Variants in PHACTR1 observed in about 807,000 individuals in gnomAD.
The protein encoded by PHACTR1 is phosphatase and actin regulator 1.
In PHACTR1, 16 loss-of-function variants were observed where a neutral mutation model predicts 69.2. That is an observed-to-expected ratio of 0.23 (90% CI 0.16 to 0.35). The LOEUF (loss-of-function observed/expected upper bound fraction) is 0.35, where lower values mean the gene tolerates loss of function less well. PHACTR1 is among the 10% of genes least tolerant of loss of function. PHACTR1 has a pLI of 1.00. For synonymous variants in PHACTR1, 312 were observed against 284.5 expected (o/e 1.10, Z -0.97); for missense variants, 510 against 734.7 (o/e 0.69, Z 3.54).
At position 12,786,646 on chromosome 6, in the gene PHACTR1, G is replaced by T. The variant is rs1193906248; in HGVS notation, c.250+36856G>T. ...AGAAGCTAGAGACCTGGAAATTGTT[G>T]TTCTAAAGTTGAGTTCAAAATGACA... On this transcript the variant is annotated intron_variant, in intron 4 of 14. Coordinates refer to ENST00000332995, the MANE Select transcript of PHACTR1 (RefSeq NM_030948.6). Among the ~76,000 whole-genome samples, 3 of 152,292 alleles carry T rather than the reference G, an allele frequency of 2.0e-5. 1 individual carries two copies. The East Asian group carries it at 5.8e-4, about 29-fold the overall frequency.
chr6:13,072,732 T>G (rs950996356), intron 5 of PHACTR1, among the ~76,000 whole-genome samples: 2 of 152,290 alleles, frequency 1.3e-5, no homozygotes, highest in Non-Finnish European at 2.9e-5. Flanking sequence ...ATTTGTACTT[T>G]TTTTCTTTGG....
At chr6:13,010,309 G>T (rs1432663023) in intron 4 of PHACTR1, among the ~76,000 whole-genome samples, 1 of 151,990 alleles carries the variant, frequency 6.6e-6, no homozygotes, top group Non-Finnish European at 1.5e-5. Flanking sequence ...TGTGTTTTTA[G>T]TAGACACAGG....
At chr6:13,090,902 A>C (rs967098458) in intron 5 of PHACTR1, among the ~76,000 whole-genome samples, 2 of 152,090 alleles carry the variant, frequency 1.3e-5, no homozygotes, top group Non-Finnish European at 2.9e-5. Flanking sequence ...TTTATTGTAC[A>C]CTTTATTTCT....
intron 3 of PHACTR1, among the ~76,000 whole-genome samples, chr6:12,733,770 C>T (rs1416982938): frequency 1.3e-5 from 2 of 152,152 alleles, no homozygotes; most frequent in African/African-American, 4.8e-5. Context: ...CTTGTGTGTA[C>T]ACTGAATATG....
intron 5 of PHACTR1, among the ~76,000 whole-genome samples, chr6:13,117,988 C>A (rs1337029181): frequency 1.3e-5 from 2 of 152,214 alleles, no homozygotes; most frequent in Admixed American, 1.3e-4. Context: ...CACACAGAAT[C>A]TCATATTACT....
At chr6:12,792,341 G>C (rs1772400452) in intron 4 of PHACTR1, among the ~76,000 whole-genome samples, 1 of 151,730 alleles carries the variant, frequency 6.6e-6, no homozygotes. Flanking sequence ...GTACATGCCT[G>C]TAATCCCAGC....
chr6:12,789,397 A>T (rs1470578760), intron 4 of PHACTR1, among the ~76,000 whole-genome samples: 1 of 151,978 alleles, frequency 6.6e-6, no homozygotes, highest in African/African-American at 2.4e-5. Flanking sequence ...TTTTTTTTTA[A>T]CATTGGAGTA....
At chr6:12,819,741 G>A (rs1441343463) in intron 4 of PHACTR1, among the ~76,000 whole-genome samples, 6 of 152,130 alleles carry the variant, frequency 3.9e-5, no homozygotes, top group Non-Finnish European at 2.9e-5. Flanking sequence ...ATCATTCAAA[G>A]CAGTGAGGGA....
At chr6:12,899,787 T>G (rs1785010716) in intron 4 of PHACTR1, among the ~76,000 whole-genome samples, 1 of 152,230 alleles carries the variant, frequency 6.6e-6, no homozygotes, top group Non-Finnish European at 1.5e-5. Context: ...ACATTACGAT[T>G]GATCAAGAAA....
chr6:13,011,513 A>G (rs1799445710), intron 4 of PHACTR1, among the ~76,000 whole-genome samples: 1 of 152,214 alleles, frequency 6.6e-6, no homozygotes, highest in South Asian at 2.1e-4. Flanking sequence ...ATTTGAGGCT[A>G]AGCTGGTGGC....
intron 5 of PHACTR1, among the ~76,000 whole-genome samples, chr6:13,077,187 A>G (rs72820879): frequency 4.7e-5 from 7 of 147,816 alleles, no homozygotes; most frequent in African/African-American, 5.1e-5. Flanking sequence ...AAAAAAAAAA[A>G]AAAGTGATTG....
intron 4 of PHACTR1, among the ~76,000 whole-genome samples, chr6:12,797,933 C>T (rs6941769): frequency 0.03 from 4,562 of 152,138 alleles, 225 homozygotes; most frequent in African/African-American, 0.1. Context: ...CCTCTCTTCT[C>T]AGTTTGCATT....
chr6:13,208,302 G>A (rs1476260853), intron 8 of PHACTR1, among the ~76,000 whole-genome samples: 1 of 152,182 alleles, frequency 6.6e-6, no homozygotes, highest in Non-Finnish European at 1.5e-5. Flanking sequence ...CCACGTAAGT[G>A]CAGACATTGA....
chr6:13,187,001 A>G (rs920772481), intron 7 of PHACTR1, among the ~76,000 whole-genome samples: 2 of 152,206 alleles, frequency 1.3e-5, no homozygotes, highest in African/African-American at 2.4e-5. Flanking sequence ...CATAAGGAAC[A>G]TGCAGCCTGG....
chr6:13,208,716 C>A (rs554243381), intron 8 of PHACTR1, among the ~76,000 whole-genome samples: 2 of 148,166 alleles, frequency 1.3e-5, no homozygotes, highest in Admixed American at 6.9e-5. Context: ...ACTTGGATAG[C>A]ATGTTAATAG....
chr6:12,960,485 G>A (rs1792571430), intron 4 of PHACTR1, among the ~76,000 whole-genome samples: 1 of 152,184 alleles, frequency 6.6e-6, no homozygotes, highest in Non-Finnish European at 1.5e-5. Flanking sequence ...TGGACAGAAG[G>A]GTCAATTGAA....
intron 5 of PHACTR1, among the ~76,000 whole-genome samples, chr6:13,121,010 T>A (rs1041994402): frequency 6.6e-6 from 1 of 152,012 alleles, no homozygotes; most frequent in East Asian, 1.9e-4. Flanking sequence ...TTCAGACAGG[T>A]GCAGCTGACA....
intron 4 of PHACTR1, among the ~76,000 whole-genome samples, chr6:12,952,099 G>C (rs576029023): frequency 3.3e-5 from 5 of 152,190 alleles, no homozygotes; most frequent in African/African-American, 1.2e-4. Flanking sequence ...CTTTAGAGCA[G>C]TTTTAGGTTC....
chr6:13,139,347 C>G (rs1260067005), intron 5 of PHACTR1, among the ~76,000 whole-genome samples: 1 of 152,130 alleles, frequency 6.6e-6, no homozygotes, highest in East Asian at 1.9e-4. Context: ...TGAGTCATTT[C>G]CACAGAGACA....
Sources: allele counts gnomAD v4.1 joint callset (sites outside exome capture counted in the v4.1 genomes callset), GRCh38; gene constraint gnomAD v4.1.1; transcripts MANE v1.5; gene names NCBI Gene and HGNC (gene_info 2026-07-23, HGNC 2026-07-21).